The following ZSCAN5A variants were observed in gnomAD, a reference collection of about 807,000 sequenced individuals.
The protein encoded by ZSCAN5A is zinc finger and SCAN domain containing 5A.
ZSCAN5A carries 12 observed loss-of-function variants against 23.7 expected under a neutral mutation model. The observed-to-expected ratio is 0.51, with a 90% CI of 0.32 to 0.82. ZSCAN5A has a LOEUF of 0.82. ZSCAN5A is among the 40% of genes least tolerant of loss of function. The probability of loss-of-function intolerance (pLI) is 0.03; values close to 1 mark genes in which losing one functional copy is unlikely to be tolerated. For missense variants in ZSCAN5A, 597 were observed against 617.9 expected (o/e 0.97, Z 0.36); for synonymous variants, 257 against 239.9 (o/e 1.07, Z -0.66).
chr19:56,249,422 G>A (rs533203639), intron 2 of ZSCAN5A, among the ~76,000 whole-genome samples: 6 of 152,224 alleles, frequency 3.9e-5, no homozygotes, highest in South Asian at 2.1e-4. Context: ...CAGGTGTGCC[G>A]CCACCACGCC....
chr19:56,281,738 C>G, intron 2 of ZSCAN5A: 2 of 982,120 alleles, frequency 2.0e-6, no homozygotes, highest in Non-Finnish European at 2.4e-6. Context: ...ATGGGGAGCC[C>G]GCCCTTCAAC....
At chr19:56,273,958 A>G (rs2038052421) in intron 2 of ZSCAN5A, among the ~76,000 whole-genome samples, 1 of 152,188 alleles carries the variant, frequency 6.6e-6, no homozygotes. Flanking sequence ...AGGGGCAAAC[A>G]CACAAGTTAG....
chr19:56,256,101 G>A (rs922783342), intron 2 of ZSCAN5A, among the ~76,000 whole-genome samples: 2 of 152,152 alleles, frequency 1.3e-5, no homozygotes, highest in Non-Finnish European at 2.9e-5. Flanking sequence ...AGAACAGTCA[G>A]GAGGAAATGC....
At chr19:56,312,936 G>A (rs972244977) in intron 2 of ZSCAN5A, among the ~76,000 whole-genome samples, 1 of 152,200 alleles carries the variant, frequency 6.6e-6, no homozygotes, top group Non-Finnish European at 1.5e-5. Flanking sequence ...GGCATTGTCA[G>A]CACACCATGC....
chr19:56,252,059 G>C (rs76792947), intron 2 of ZSCAN5A, among the ~76,000 whole-genome samples: 2,007 of 152,276 alleles, frequency 0.013, 42 homozygotes, highest in African/African-American at 0.043. Context: ...AATTCTGAAG[G>C]ATACCTAGGG....
intron 2 of ZSCAN5A, among the ~76,000 whole-genome samples, chr19:56,259,742 G>A (rs1363557680): frequency 6.6e-6 from 1 of 152,256 alleles, no homozygotes; most frequent in Non-Finnish European, 1.5e-5. Flanking sequence ...GGGAGGCCAA[G>A]GCAGGTGAAC....
intron 2 of ZSCAN5A, among the ~76,000 whole-genome samples, chr19:56,325,740 T>G (rs1253244536): frequency 6.6e-6 from 1 of 152,016 alleles, no homozygotes. Context: ...CTGTTGTTGT[T>G]GTTGTTGTTG....
chr19:56,249,385 C>T (rs747426575), intron 2 of ZSCAN5A, among the ~76,000 whole-genome samples: 1 of 152,180 alleles, frequency 6.6e-6, no homozygotes, highest in Non-Finnish European at 1.5e-5. Flanking sequence ...AATTCACTTG[C>T]CTCAGCCTTC....
At chr19:56,326,665 AC>A (rs74177181) in intron 2 of ZSCAN5A, among the ~76,000 whole-genome samples, 1 of 151,500 alleles carries the variant, frequency 6.6e-6, no homozygotes, top group Non-Finnish European at 1.5e-5. Flanking sequence ...TGCAAATGAC[AC>A]CCCCACCCAC....
At chr19:56,346,731 C>T (rs532376536) in intron 2 of ZSCAN5A, among the ~76,000 whole-genome samples, 3 of 150,964 alleles carry the variant, frequency 2.0e-5, no homozygotes, top group Non-Finnish European at 2.9e-5. Flanking sequence ...TTTTTTTAGA[C>T]GGAGTCTCGC....
intron 2 of ZSCAN5A, among the ~76,000 whole-genome samples, chr19:56,357,596 A>G (rs1010686478): frequency 6.8e-6 from 1 of 147,806 alleles, no homozygotes; most frequent in African/African-American, 2.6e-5. Flanking sequence ...AAAAAAATCA[A>G]ATTCAAATTG....
rs530044255 is a variant in ZSCAN5A, at chr19:56,314,758, G to A, written c.-307C>T. 1 of 152,418 alleles carries A rather than the reference G, an allele frequency of 6.6e-6. No individual in the cohort carries two copies. Among genetic ancestry groups the A allele is most frequent in the South Asian group, 2.1e-4 (1 of 4,836 alleles). The allele number at this position is 152,418 out of a possible 1,614,324, so 9.4% of individuals were successfully genotyped here. A position where few individuals can be genotyped will look rare whatever the true frequency, so the allele number is the denominator to read the frequency against. ...TACAACCGGTCCCAAAGCCGCAAACGAGTCAGGCATCGTGGTAGGACCTGG... is the reference window on the plus strand; with the variant it reads ...TACAACCGGTCCCAAAGCCGCAAACAAGTCAGGCATCGTGGTAGGACCTGG... On this transcript the variant is annotated 5_prime_UTR_variant, in exon 1 of 6. Coordinates refer to ENST00000683990, the MANE Select transcript of ZSCAN5A (RefSeq NM_001322064.3).
Position 56,223,751 on chromosome 19 carries a change from A to C in ZSCAN5A, c.468T>G (p.Asp156Glu). ...EMAEAPSSVR[D>E]DLKDVSSQRA... is the part of the protein sequence containing the mutation. Reference sequence around the variant, plus strand: ...GTTGGCTGGACACGTCTTTCAGATCATCTCTGACACTGGAGGGGGCTTCAG... The same window carrying C: ...GTTGGCTGGACACGTCTTTCAGATCCTCTCTGACACTGGAGGGGGCTTCAG... The change falls in exon 4 of 6, where the codon GAT (aspartate) becomes GAG (glutamate). Residue 156 changes from aspartate to glutamate, a missense_variant. Asp to Glu is a conservative substitution (Grantham distance 45). Coordinates refer to ENST00000683990, the MANE Select transcript of ZSCAN5A (RefSeq NM_001322064.3). 1 of 1,613,754 alleles carries C rather than the reference A, an allele frequency of 6.2e-7. No homozygotes were observed. The highest frequency in any genetic ancestry group is 8.5e-7 in the Non-Finnish European group (1 of 1,179,916).
intron 2 of ZSCAN5A, among the ~76,000 whole-genome samples, chr19:56,234,393 G>T (rs1457976655): frequency 6.6e-6 from 1 of 152,108 alleles, no homozygotes. Flanking sequence ...TCAATGTTAG[G>T]GACCATCCCC....
chr19:56,339,985 T>C (rs899415436), intron 2 of ZSCAN5A, among the ~76,000 whole-genome samples: 6 of 152,154 alleles, frequency 3.9e-5, no homozygotes, highest in East Asian at 1.9e-4. Context: ...TTCCTGGGGA[T>C]TGTCTGATAC....
Position 56,321,830 on chromosome 19 carries a change from A to G in ZSCAN5A, c.-357-5562T>C, listed in dbSNP as rs994714702. On this transcript the variant is annotated intron_variant, in intron 2 of 6. Transcript: ENST00000587340. ...CTGCCACCACTTGTAAACTGGAAGC[A>G]TGATAGGCAATGGAGCTGATAAATG... is the stretch of plus-strand genomic sequence containing the variant. 20 of 913,242 alleles carry G rather than the reference A, an allele frequency of 2.2e-5. No homozygotes were observed. The African/African-American group carries it at 3.1e-4, about 14-fold the overall frequency. 56.6% of individuals were successfully genotyped at this position (913,242 alleles called of 1,614,324 possible).
At chr19:56,359,989 A>T (rs918967422) in intron 2 of ZSCAN5A, among the ~76,000 whole-genome samples, 2 of 152,208 alleles carry the variant, frequency 1.3e-5, no homozygotes, top group African/African-American at 4.8e-5. Flanking sequence ...CAAAAGCTGG[A>T]AGCACTCCCC....
In ZSCAN5A at chr19:56,246,791, T is replaced by G. The variant is rs573954867; in HGVS notation, c.-127-21618A>C. On this transcript the variant is annotated intron_variant, in intron 2 of 5. Coordinates refer to ENST00000683990, the MANE Select transcript of ZSCAN5A (RefSeq NM_001322064.3). ...AAAAAAAGAGCCTCTGTCGAAAATG[T>G]GGATGCTGACACACCTTCTGCCTGC... The G allele has an allele frequency of 3.9e-5, 63 of 1,608,138 alleles. No individual in the cohort carries two copies. The East Asian group carries it at 1.3e-3, about 34-fold the overall frequency.
intron 1 of ZSCAN5A, chr19:56,368,142 C>G (rs911802659): frequency 6.6e-6 from 1 of 152,390 alleles, no homozygotes; most frequent in African/African-American, 2.4e-5. Context: ...CGTACTCAGT[C>G]ACCAGCGGAA....
Sources: allele counts gnomAD v4.1 joint callset (sites outside exome capture counted in the v4.1 genomes callset), GRCh38; gene constraint gnomAD v4.1.1; transcripts MANE v1.5; gene names NCBI Gene and HGNC (gene_info 2026-07-23, HGNC 2026-07-21).